ELOF1: variants seen among roughly 807,000 people sequenced by gnomAD.
ELOF1 encodes the protein elongation factor 1, also known as transcription elongation factor 1 homolog.
A neutral mutation model predicts 7.1 loss-of-function variants in ELOF1; 4 were observed. The observed-to-expected ratio is 0.56, with a 90% CI of 0.28 to 1.29. The LOEUF (loss-of-function observed/expected upper bound fraction) is 1.29, where lower values mean the gene tolerates loss of function less well. Ranked by LOEUF, ELOF1 falls within the 50% of genes most tolerant of loss-of-function variation. ELOF1 has a pLI of 0.10. For synonymous variants in ELOF1, 31 were observed against 31.9 expected, an observed-to-expected ratio of 0.97 and a Z score of 0.09; for missense variants, 59 against 86.3, an observed-to-expected ratio of 0.68 and a Z score of 1.25.
exon 1 of ELOF1, chr19:11,559,223 G>A (rs763471721): frequency 6.6e-6 from 1 of 152,582 alleles, no homozygotes. Flanking sequence ...GTTCACCCGG[G>A]AGATAGTGAC....
At chr19:11,553,560 CCA>C (rs1972766033) in intron 3 of ELOF1, 2 of 671,364 alleles carry the variant, frequency 3.0e-6, no homozygotes, top group Non-Finnish European at 2.4e-6. Flanking sequence ...TCACTCACAC[CCA>C]CACCCACACG....
At chr19:11,557,279 C>A (rs1972846611) in intron 1 of ELOF1, among the ~76,000 whole-genome samples, 1 of 152,134 alleles carries the variant, frequency 6.6e-6, no homozygotes. Flanking sequence ...TGCCTCTCTG[C>A]CAACTTGCTC....
intron 1 of ELOF1, among the ~76,000 whole-genome samples, chr19:11,557,855 C>G (rs1972856142): frequency 6.6e-6 from 1 of 152,112 alleles, no homozygotes; most frequent in Admixed American, 6.6e-5. Context: ...GCACTCCAGC[C>G]TGGGCAACAG....
intron 3 of ELOF1, chr19:11,553,703 C>T (rs1251413377): frequency 6.2e-7 from 1 of 1,613,314 alleles, no homozygotes; most frequent in African/African-American, 1.3e-5. Context: ...ACAGCTGGAT[C>T]CACAGTACGC....
chr19:11,558,889 A>C (rs1422018801), intron 1 of ELOF1: 1 of 152,088 alleles, frequency 6.6e-6, no homozygotes, highest in Non-Finnish European at 1.5e-5. Flanking sequence ...AGAGCGCCAA[A>C]AGGGGATGGC....
intron 1 of ELOF1, among the ~76,000 whole-genome samples, chr19:11,557,594 TAAAA>T (rs56991908): frequency 2.6e-5 from 2 of 78,078 alleles, no homozygotes; most frequent in African/African-American, 4.8e-5. Context: ...AAACTTCATC[TAAAA>T]AAAAAAAAAA....
intron 1 of ELOF1, among the ~76,000 whole-genome samples, chr19:11,558,545 C>T (rs1972867005): frequency 1.3e-5 from 2 of 151,888 alleles, no homozygotes; most frequent in African/African-American, 4.8e-5. Context: ...AGTTCCAGAC[C>T]AGCCTGGGAA....
chr19:11,554,147 C>T, intron 2 of ELOF1, 66 bp from the exon 3 acceptor site: 1 of 1,614,080 alleles, frequency 6.2e-7, no homozygotes, highest in Non-Finnish European at 8.5e-7. Flanking sequence ...ATGACGCCTT[C>T]ACCAAGGGAG....
chr19:11,553,583 A>G (rs1972768395), intron 3 of ELOF1: 1 of 4,824 alleles, frequency 2.1e-4, no homozygotes, highest in African/African-American at 7.8e-3. Flanking sequence ...CACACCCACT[A>G]CACACACACA....
At chr19:11,554,727 A>T (rs1424827548) in intron 1 of ELOF1, 1 of 281,368 alleles carries the variant, frequency 3.6e-6, no homozygotes, top group African/African-American at 2.2e-5. Context: ...GGATTACTTG[A>T]TGCCAGGACC....
intron 1 of ELOF1, among the ~76,000 whole-genome samples, chr19:11,556,847 G>C (rs1015679570): frequency 6.6e-6 from 1 of 152,114 alleles, no homozygotes; most frequent in Non-Finnish European, 1.5e-5. Flanking sequence ...GCCCAGCTTC[G>C]GCATGCCTCC....
At chr19:11,557,204 C>T (rs1398497850) in intron 1 of ELOF1, among the ~76,000 whole-genome samples, 2 of 152,152 alleles carry the variant, frequency 1.3e-5, no homozygotes, top group East Asian at 3.8e-4. Context: ...ACATGTGGCT[C>T]TCAGGATGCC....
intron 1 of ELOF1, among the ~76,000 whole-genome samples, chr19:11,558,558 AGAGT>A (rs1345589509): frequency 2.6e-5 from 4 of 151,986 alleles, no homozygotes; most frequent in African/African-American, 9.7e-5. Flanking sequence ...CCTGGGAAAC[AGAGT>A]GAGACCCTTC....
Position 11,553,222 on chromosome 19 carries a change from C to T in ELOF1, c.188-167G>A, listed in dbSNP as rs114125224. 509 of 398,998 alleles carry T rather than the reference C, an allele frequency of 1.3e-3. 1 individual carries two copies. The highest frequency in any genetic ancestry group is 9.3e-3 in the African/African-American group (452 of 48,722). The allele number at this position is 398,998 out of a possible 1,614,324, so 24.7% of individuals were successfully genotyped here. On this transcript the variant is annotated intron_variant, in intron 3 of 3. Transcript: ENST00000586683. ...CTGGGGAACGGCGGCTTTGAATCCC[C>T]GGCCACGGGCACTAGAAGGTGGAGA...
In ELOF1 at chr19:11,554,370, G is replaced by C; in HGVS notation, c.-18-5C>G. 1 of 1,612,282 alleles carries C rather than the reference G, an allele frequency of 6.2e-7. No individual in the cohort carries two copies. The highest frequency in any genetic ancestry group is 8.5e-7 in the Non-Finnish European group (1 of 1,178,846). On this transcript the variant is annotated splice_region_variant and splice_polypyrimidine_tract_variant and intron_variant, in intron 1 of 3. Coordinates refer to ENST00000586683, the Ensembl canonical transcript of ELOF1. Reference sequence around the variant, plus strand: ...CATGTCTGCAGGTGGATGAGCCTGTGGGGAGTGGCAGATGTCAGTGGTTTG... The same window carrying C: ...CATGTCTGCAGGTGGATGAGCCTGTCGGGAGTGGCAGATGTCAGTGGTTTG...
intron 3 of ELOF1, 72 bp from the exon 4 acceptor site, chr19:11,553,882 C>T: frequency 1.9e-6 from 3 of 1,611,644 alleles, no homozygotes; most frequent in Non-Finnish European, 2.5e-6. Flanking sequence ...CCACAGAAAT[C>T]ACTAGGTGGC....
intron 1 of ELOF1, among the ~76,000 whole-genome samples, chr19:11,558,185 T>A (rs1972860777): frequency 6.6e-6 from 1 of 152,286 alleles, no homozygotes; most frequent in South Asian, 2.1e-4. Flanking sequence ...CTTGGATTCA[T>A]CCTCAATGTC....
rs905102522 is a variant in ELOF1, at chr19:11,557,582, C to G, written c.-19+1609G>C. Among the ~76,000 whole-genome samples, 5 of 116,338 alleles carry G rather than the reference C, an allele frequency of 4.3e-5. 1 individual carries two copies. Among genetic ancestry groups the G allele is most frequent in the Admixed American group, 9.3e-5 (1 of 10,796 alleles). The allele number at this position is 116,338 out of a possible 152,430, so 76.3% of individuals were successfully genotyped here. The stretch of plus-strand genomic sequence containing the variant: ...CCGCACTCCAGCCTGGGCAACAGAG[C>G]AAAACTTCATCTAAAAAAAAAAAAA... On this transcript the variant is annotated intron_variant, in intron 1 of 3. Coordinates refer to ENST00000586683, the Ensembl canonical transcript of ELOF1.
intron 1 of ELOF1, among the ~76,000 whole-genome samples, chr19:11,557,031 C>T (rs2145060254): frequency 6.6e-6 from 1 of 152,290 alleles, no homozygotes; most frequent in Non-Finnish European, 1.5e-5. Context: ...CATCCTCTTC[C>T]AGCTATGATC....
Sources: gnomAD v4.1 joint callset for allele counts (sites outside exome capture counted in the v4.1 genomes callset) on GRCh38, gnomAD v4.1.1 for gene constraint, MANE v1.5 for transcripts, NCBI Gene and HGNC (gene_info 2026-07-23, HGNC 2026-07-21) for gene names.